KIF13B: variants seen among roughly 807,000 people sequenced by gnomAD.
The protein encoded by KIF13B is kinesin family member 13B.
KIF13B carries 127 observed loss-of-function variants against 222.0 expected under a neutral mutation model. The observed-to-expected ratio is 0.57, with a 90% CI of 0.50 to 0.66. The LOEUF is 0.66. Ranked by LOEUF, KIF13B falls within the 30% of genes least tolerant of loss-of-function variation. The probability of loss-of-function intolerance (pLI) is 0.00; values close to 1 mark genes in which losing one functional copy is unlikely to be tolerated. For synonymous variants in KIF13B, 976 were observed against 919.0 expected (o/e 1.06, Z -1.12); for missense variants, 2,173 against 2,379.0 (o/e 0.91, Z 1.80).
At chr8:29,159,026 G>A (rs1032019537) in intron 13 of KIF13B, among the ~76,000 whole-genome samples, 2 of 152,134 alleles carry the variant, frequency 1.3e-5, no homozygotes, top group Non-Finnish European at 2.9e-5. Context: ...TTCTAACATC[G>A]CATCTCTTCC....
At chr8:29,092,934 T>C in intron 36 of KIF13B, 56 bp from the exon 37 acceptor site, 1 of 1,464,478 alleles carries the variant, frequency 6.8e-7, no homozygotes, top group Non-Finnish European at 9.2e-7. Context: ...AGACATCTTC[T>C]TTCCTGTACA....
intron 25 of KIF13B, among the ~76,000 whole-genome samples, chr8:29,126,881 T>C (rs1810135131): frequency 6.6e-6 from 1 of 152,060 alleles, no homozygotes; most frequent in South Asian, 2.1e-4. Flanking sequence ...GCAGGCACTG[T>C]GGAATCTATG....
chr8:29,170,914 C>T (rs929135322), intron 10 of KIF13B, among the ~76,000 whole-genome samples: 4 of 150,942 alleles, frequency 2.7e-5, no homozygotes, highest in Non-Finnish European at 5.9e-5. Flanking sequence ...CCTGTTTATA[C>T]AAAAAAGAAA....
At chr8:29,096,497 G>A (rs908313988) in intron 36 of KIF13B, among the ~76,000 whole-genome samples, 13 of 150,996 alleles carry the variant, frequency 8.6e-5, no homozygotes, top group African/African-American at 3.2e-4. Flanking sequence ...ATGGGGTTTT[G>A]CCATGTTGCC....
intron 32 of KIF13B, chr8:29,110,516 G>A (rs1043484052): frequency 6.0e-6 from 1 of 166,514 alleles, no homozygotes; most frequent in African/African-American, 2.4e-5. Context: ...GGCCCGGAAG[G>A]GAGAAGATAG....
chr8:29,207,480 G>A (rs775405109), intron 2 of KIF13B, among the ~76,000 whole-genome samples: 15 of 152,018 alleles, frequency 9.9e-5, no homozygotes, highest in Non-Finnish European at 1.8e-4. Context: ...CATCTGGTGG[G>A]CACTCAATGC....
At chr8:29,164,808 A>G (rs76514048) in intron 12 of KIF13B, among the ~76,000 whole-genome samples, 2,134 of 151,972 alleles carry the variant, frequency 0.014, 24 homozygotes, top group Non-Finnish European at 0.02. Context: ...GCTAAACTTA[A>G]CTAGATCTTC....
At chr8:29,259,349 ACCTGAAATAATCTATTT>A (rs1471197396) in intron 1 of KIF13B, among the ~76,000 whole-genome samples, 6 of 152,120 alleles carry the variant, frequency 3.9e-5, no homozygotes, top group Non-Finnish European at 8.8e-5. Flanking sequence ...TCTCCCTAAC[ACCTGAAATAATCTATTT>A]CACTGTTTCT....
At chr8:29,091,616 CAAT>C (rs1808303210) in intron 37 of KIF13B, among the ~76,000 whole-genome samples, 2 of 152,168 alleles carry the variant, frequency 1.3e-5, no homozygotes, top group Non-Finnish European at 1.5e-5. Flanking sequence ...CTTTGTGAAA[CAAT>C]GATGCAGAAG....
At chr8:29,099,546 T>C (rs1377690683) in intron 35 of KIF13B, among the ~76,000 whole-genome samples, 2 of 152,204 alleles carry the variant, frequency 1.3e-5, no homozygotes, top group East Asian at 3.9e-4. Flanking sequence ...GGCTAATCTT[T>C]TTACTACTTT....
At chr8:29,073,081 G>A (rs1309307801) in intron 38 of KIF13B, among the ~76,000 whole-genome samples, 1 of 56,138 alleles carries the variant, frequency 1.8e-5, no homozygotes, top group East Asian at 3.2e-4. Context: ...GGAGGGGTAC[G>A]AGGAGGGGTA....
At chr8:29,101,885 C>A (rs375190912) in intron 35 of KIF13B, among the ~76,000 whole-genome samples, 2 of 152,096 alleles carry the variant, frequency 1.3e-5, no homozygotes, top group African/African-American at 4.8e-5. Flanking sequence ...CGAATCTCTG[C>A]GGAAACACTC....
rs1335671516 is a variant in KIF13B, at chr8:29,130,647, C to T, written c.2961G>A (p.Arg987=). 1 of 1,613,856 alleles carries T rather than the reference C, an allele frequency of 6.2e-7. No individual in the cohort carries two copies. The highest frequency in any genetic ancestry group is 2.2e-5 in the East Asian group (1 of 44,868). ...AGATTTGAACCCAGAATTCCAATTT[C>T]CTGGTCACTTCACTCCATCTAGGAA... ...SLRDRWSEVT[R]KLEFWVQILE... Residue 987 remains arginine (R), a synonymous_variant, in exon 24 of 40, where the codon AGG becomes AGA. Coordinates refer to ENST00000524189, the MANE Select transcript of KIF13B (RefSeq NM_015254.4).
chr8:29,239,851 C>CG (rs1815683941), intron 2 of KIF13B, among the ~76,000 whole-genome samples: 1 of 151,846 alleles, frequency 6.6e-6, no homozygotes, highest in Admixed American at 6.6e-5. Flanking sequence ...TTAGTAGAGA[C>CG]GGGGTTTCAC....
chr8:29,129,565 G>A (rs1423696310), intron 24 of KIF13B, among the ~76,000 whole-genome samples: 4 of 151,860 alleles, frequency 2.6e-5, no homozygotes, highest in South Asian at 2.1e-4. Flanking sequence ...TTTCTAGAGC[G>A]ATTCTAGTAT....
chr8:29,222,561 GACAGGGTGTC>G (rs1398543924), intron 2 of KIF13B, among the ~76,000 whole-genome samples: 5 of 104,402 alleles, frequency 4.8e-5, no homozygotes, highest in Non-Finnish European at 8.7e-5. Flanking sequence ...TTTTTGTAGA[GACAGGGTGTC>G]ACTATATTGC....
intron 2 of KIF13B, among the ~76,000 whole-genome samples, chr8:29,241,187 A>G (rs1815761617): frequency 6.6e-6 from 1 of 152,236 alleles, no homozygotes; most frequent in African/African-American, 2.4e-5. Flanking sequence ...GAAGCCAATC[A>G]CAGAAGACCA....
At chr8:29,146,171 G>A in intron 18 of KIF13B, 1 of 613,988 alleles carries the variant, frequency 1.6e-6, no homozygotes, top group East Asian at 2.7e-5. Context: ...GTGAGATGCA[G>A]AGTATATTCC....
intron 2 of KIF13B, among the ~76,000 whole-genome samples, chr8:29,199,866 A>C (rs193033076): frequency 2.6e-5 from 4 of 152,332 alleles, no homozygotes; most frequent in African/African-American, 9.6e-5. Flanking sequence ...GCTAGAGTAC[A>C]TTTACTCTAT....
Sources: gnomAD v4.1 joint callset for allele counts (sites outside exome capture counted in the v4.1 genomes callset) on GRCh38, gnomAD v4.1.1 for gene constraint, MANE v1.5 for transcripts, NCBI Gene and HGNC (gene_info 2026-07-23, HGNC 2026-07-21) for gene names.